Variants in PDE1C observed in about 807,000 individuals in gnomAD.
PDE1C encodes the protein phosphodiesterase 1C.
A neutral mutation model predicts 93.1 loss-of-function variants in PDE1C; 62 were observed. That is an observed-to-expected ratio of 0.67 (90% CI 0.54 to 0.82). The LOEUF (loss-of-function observed/expected upper bound fraction) is 0.82. PDE1C is among the 40% of genes least tolerant of loss of function. The pLI, the probability that PDE1C is intolerant of heterozygous loss-of-function variation, is 0.00. For synonymous variants in PDE1C, 325 were observed against 310.1 expected, an observed-to-expected ratio of 1.05 and a Z score of -0.50; for missense variants, 742 against 884.6, an observed-to-expected ratio of 0.84 and a Z score of 2.04.
intron 3 of PDE1C, among the ~76,000 whole-genome samples, chr7:32,084,588 A>C (rs970550585): frequency 9.9e-5 from 15 of 151,962 alleles, no homozygotes; most frequent in African/African-American, 2.4e-4. Context: ...CCAAAATTGC[A>C]CACATAGTTG....
At chr7:32,006,424 A>C (rs1786262936) in intron 2 of PDE1C, among the ~76,000 whole-genome samples, 1 of 152,248 alleles carries the variant, frequency 6.6e-6, no homozygotes, top group South Asian at 2.1e-4. Flanking sequence ...GTCTTTTTAC[A>C]GGAACGAAAT....
chr7:31,947,627 C>T (rs1806798375), intron 2 of PDE1C, among the ~76,000 whole-genome samples: 1 of 152,166 alleles, frequency 6.6e-6, no homozygotes, highest in East Asian at 1.9e-4. Context: ...TACAGAGTAG[C>T]ATCGTGAACT....
intron 1 of PDE1C, among the ~76,000 whole-genome samples, chr7:32,364,809 C>A (rs215705): frequency 0.74 from 113,242 of 152,202 alleles, 44,478 homozygotes; most frequent in East Asian, 0.97. Context: ...GTCATTATAC[C>A]AATCCCACAC....
At chr7:31,849,711 T>G (rs531449868) in intron 8 of PDE1C, among the ~76,000 whole-genome samples, 1 of 152,142 alleles carries the variant, frequency 6.6e-6, no homozygotes, top group African/African-American at 2.4e-5. Context: ...TGCTACATTC[T>G]TTCTCTTTGA....
chr7:32,000,759 C>T (rs1023814509), intron 2 of PDE1C, among the ~76,000 whole-genome samples: 1 of 152,150 alleles, frequency 6.6e-6, no homozygotes, highest in Non-Finnish European at 1.5e-5. Flanking sequence ...ATGTCTGGTA[C>T]CCTGGAACCA....
chr7:32,291,748 C>T (rs2128897444), intron 1 of PDE1C, among the ~76,000 whole-genome samples: 1 of 152,360 alleles, frequency 6.6e-6, no homozygotes, highest in East Asian at 1.9e-4. Flanking sequence ...GTGTACCTCA[C>T]TTAGCCATTC....
At chr7:32,169,982 C>A (rs1394643350) in intron 2 of PDE1C, 1 of 1,597,442 alleles carries the variant, frequency 6.3e-7, no homozygotes, top group South Asian at 1.1e-5. Context: ...AAGAGAGATG[C>A]AGGTGAATCA....
At chr7:31,651,314 C>G in the PDE1C span, 1 of 1,596,846 alleles carries the variant, frequency 6.3e-7, no homozygotes, top group Non-Finnish European at 8.5e-7. Context: ...AGCCCACACA[C>G]CTGGAGCAAG....
At chr7:31,986,955 CAT>C (rs1554450421) in intron 2 of PDE1C, among the ~76,000 whole-genome samples, 5 of 148,000 alleles carry the variant, frequency 3.4e-5, no homozygotes, top group South Asian at 2.1e-4. Flanking sequence ...CACACACACA[CAT>C]ACACACACAA....
At chr7:31,990,885 T>C (rs1784069222) in intron 2 of PDE1C, among the ~76,000 whole-genome samples, 1 of 152,202 alleles carries the variant, frequency 6.6e-6, no homozygotes, top group African/African-American at 2.4e-5. Context: ...GATCTTACAA[T>C]ATTTATTTCA....
chr7:32,165,838 T>C (rs975500730), intron 3 of PDE1C, among the ~76,000 whole-genome samples: 3 of 152,160 alleles, frequency 2.0e-5, no homozygotes, highest in Non-Finnish European at 2.9e-5. Context: ...GTGCAGTGGT[T>C]CTCCAGGTGT....
In PDE1C at chr7:31,922,118, G is replaced by A. The variant is rs115475005; in HGVS notation, c.129-41258C>T. Among the ~76,000 whole-genome samples, 1,098 of 152,142 alleles carry A rather than the reference G, an allele frequency of 7.2e-3. 13 individuals carry two copies. Among genetic ancestry groups the A allele is most frequent in the African/African-American group, 0.025 (1,021 of 41,516 alleles). The stretch of plus-strand genomic sequence containing the variant: ...ATCTCTGTAAGCTTATGAAATTCAC[G>A]GCATGAAGAATGAAAAAGGAGTCTG... On this transcript the variant is annotated intron_variant, in intron 2 of 17. Coordinates refer to ENST00000396191, the MANE Select transcript of PDE1C (RefSeq NM_001191057.4).
rs75942113 is a variant in PDE1C at position 31,878,945 on chromosome 7, G to A, written c.425+51C>T. 902 of 1,529,006 alleles carry A rather than the reference G, an allele frequency of 5.9e-4. 6 individuals carry two copies. The African/African-American group carries it at 0.011, about 18-fold the overall frequency. The allele number at this position is 1,529,006 out of a possible 1,614,324, so 94.7% of individuals were successfully genotyped here. ...AGCAAAGCTTCCAGTTATTGGAAAC[G>A]TGTTGCTTTGGCTGCTTTAGTCACT... is the stretch of plus-strand genomic sequence containing the variant. On this transcript the variant is annotated intron_variant, in intron 4 of 17. Coordinates refer to ENST00000396191, the MANE Select transcript of PDE1C (RefSeq NM_001191057.4).
At chr7:31,619,493 T>C in the PDE1C span, among the ~76,000 whole-genome samples, 2 of 152,166 alleles carry the variant, frequency 1.3e-5, no homozygotes, top group Non-Finnish European at 2.9e-5. Flanking sequence ...TACTGTATCA[T>C]AGCATTTTGA....
chr7:32,106,720 G>A (rs1292227139), intron 3 of PDE1C, among the ~76,000 whole-genome samples: 2 of 152,086 alleles, frequency 1.3e-5, no homozygotes, highest in Non-Finnish European at 2.9e-5. Context: ...CAAGAATTAG[G>A]CCTTAGAATT....
chr7:31,732,030 G>T, the PDE1C span, among the ~76,000 whole-genome samples: 1 of 152,202 alleles, frequency 6.6e-6, no homozygotes, highest in African/African-American at 2.4e-5. Context: ...CCCAGAGGAC[G>T]CCTGCACGCA....
rs1367675150 is a variant in PDE1C, at chr7:31,828,294, A to G, written c.1283T>C (p.Val428Ala). Residue 428 changes from valine (V) to alanine (A), a missense_variant and splice_region_variant, in exon 12 of 18, where the codon GTA (valine) becomes GCA (alanine). Coordinates refer to ENST00000396191, the MANE Select transcript of PDE1C (RefSeq NM_001191057.4). ...RKSTMVAQSQ[V>A]GFIDFIVEPT... ...TCCAAAGAGCTGCAAACACGTACCT[A>G]CTTGTGACTGAGCAACCATAGTGGA... is the stretch of plus-strand genomic sequence containing the variant. 2 of 1,611,746 alleles carry G rather than the reference A, an allele frequency of 1.2e-6. No homozygotes were observed. The highest frequency in any genetic ancestry group is 2.2e-5 in the East Asian group (1 of 44,790).
chr7:31,892,133 C>T (rs1798721529), intron 2 of PDE1C, among the ~76,000 whole-genome samples: 1 of 152,196 alleles, frequency 6.6e-6, no homozygotes, highest in African/African-American at 2.4e-5. Context: ...TTATAAGTGT[C>T]TCTCTGTTCT....
At chr7:31,885,277 T>C (rs1043539453) in intron 2 of PDE1C, among the ~76,000 whole-genome samples, 4 of 152,214 alleles carry the variant, frequency 2.6e-5, no homozygotes, top group African/African-American at 9.6e-5. Context: ...TGAATGTTCA[T>C]AGTTTCCAGC....
Sources: gnomAD v4.1 joint callset for allele counts (sites outside exome capture counted in the v4.1 genomes callset) on GRCh38, gnomAD v4.1.1 for gene constraint, MANE v1.5 for transcripts, NCBI Gene and HGNC (gene_info 2026-07-23, HGNC 2026-07-21) for gene names.